CNTNAP2: variants seen among roughly 807,000 people sequenced by gnomAD.
The protein encoded by CNTNAP2 is contactin associated protein 2.
Under a neutral mutation model 155.2 loss-of-function variants are expected in CNTNAP2, and 98 were observed. The ratio of observed to expected loss-of-function variants is 0.63; its 90% confidence interval spans 0.54 to 0.75. The LOEUF (loss-of-function observed/expected upper bound fraction) is 0.75. Among genes scored for constraint, CNTNAP2 ranks in the 30% least tolerant of loss-of-function variants. The pLI is 0.00. For missense variants in CNTNAP2, 1,727 were observed against 1,688.1 expected, an observed-to-expected ratio of 1.02 and a Z score of -0.40; for synonymous variants, 651 against 631.2, an observed-to-expected ratio of 1.03 and a Z score of -0.47.
At chr7:146,493,010 G>T (rs565459864) in intron 1 of CNTNAP2, among the ~76,000 whole-genome samples, 2 of 152,056 alleles carry the variant, frequency 1.3e-5, no homozygotes, top group Non-Finnish European at 2.9e-5. Flanking sequence ...TAATCTAAGC[G>T]CAATTTAAGG....
chr7:147,687,752 G>C (rs527718339), intron 13 of CNTNAP2, among the ~76,000 whole-genome samples: 1 of 152,226 alleles, frequency 6.6e-6, no homozygotes, highest in South Asian at 2.1e-4. Flanking sequence ...CAAATTAAGA[G>C]CATGAGGAAG....
chr7:148,278,240 C>T (rs1796910379), intron 21 of CNTNAP2, among the ~76,000 whole-genome samples: 1 of 152,000 alleles, frequency 6.6e-6, no homozygotes, highest in African/African-American at 2.4e-5. Context: ...GAGGTGGATG[C>T]AGGAGAACTC....
intron 15 of CNTNAP2, among the ~76,000 whole-genome samples, chr7:148,038,737 C>G (rs1360417881): frequency 2.0e-5 from 3 of 151,982 alleles, no homozygotes; most frequent in African/African-American, 7.3e-5. Context: ...CTCCATTAAG[C>G]AGGATGGTAA....
At chr7:146,695,115 A>G (rs1000592531) in intron 1 of CNTNAP2, among the ~76,000 whole-genome samples, 13 of 152,110 alleles carry the variant, frequency 8.5e-5, no homozygotes, top group Admixed American at 2.0e-4. Context: ...CTTTCATGAC[A>G]ATGTTGAATA....
intron 1 of CNTNAP2, among the ~76,000 whole-genome samples, chr7:146,186,285 T>C (rs191296761): frequency 2.0e-5 from 3 of 152,264 alleles, no homozygotes; most frequent in Admixed American, 1.3e-4. Context: ...TTTACCTTCA[T>C]TCCCCCAAAC....
At chr7:148,055,205 G>A (rs1802984835) in intron 15 of CNTNAP2, among the ~76,000 whole-genome samples, 1 of 152,080 alleles carries the variant, frequency 6.6e-6, no homozygotes. Context: ...ATCTTTGATG[G>A]CCTTTTAAAA....
At chr7:147,675,195 G>A (rs149226500) in intron 13 of CNTNAP2, among the ~76,000 whole-genome samples, 2,492 of 151,984 alleles carry the variant, frequency 0.016, 221 homozygotes, top group Admixed American at 0.15. Flanking sequence ...CTCTGCCTCC[G>A]TCTTCACAAG....
chr7:146,622,131 A>ATATATATATACACACACG (rs1491052502), intron 1 of CNTNAP2, among the ~76,000 whole-genome samples: 13 of 23,392 alleles, frequency 5.6e-4, no homozygotes, highest in African/African-American at 1.4e-3. Flanking sequence ...ATGTATGTGT[A>ATATATATATACACACACG]TATATATATA....
At chr7:147,551,039 G>A (rs1038400787) in intron 11 of CNTNAP2, among the ~76,000 whole-genome samples, 3 of 152,096 alleles carry the variant, frequency 2.0e-5, no homozygotes, top group Admixed American at 1.3e-4. Flanking sequence ...TGTGCTATCA[G>A]GTATGGATGT....
chr7:148,090,495 A>G (rs1803817387), intron 15 of CNTNAP2, among the ~76,000 whole-genome samples: 1 of 152,104 alleles, frequency 6.6e-6, no homozygotes, highest in Admixed American at 6.6e-5. Flanking sequence ...GCCAACAAAT[A>G]TATTTAAAAG....
chr7:146,699,317 G>C (rs1041521064), intron 1 of CNTNAP2, among the ~76,000 whole-genome samples: 2 of 152,156 alleles, frequency 1.3e-5, no homozygotes, highest in Non-Finnish European at 2.9e-5. Flanking sequence ...TGTCTCCCCT[G>C]TTGTTATTGG....
chr7:147,078,893 G>A (rs977973612), intron 4 of CNTNAP2, among the ~76,000 whole-genome samples: 1 of 151,910 alleles, frequency 6.6e-6, no homozygotes, highest in African/African-American at 2.4e-5. Context: ...GGGATTACAG[G>A]TGTGCGCCAC....
chr7:148,269,059 G>T (rs957060665), intron 21 of CNTNAP2, among the ~76,000 whole-genome samples: 4 of 152,086 alleles, frequency 2.6e-5, no homozygotes, highest in Admixed American at 2.6e-4. Context: ...GGATTCCTGG[G>T]TTTAGAACCA....
rs1354554125 is a variant in CNTNAP2 at position 147,960,507 on chromosome 7, A to T, written c.2256-17355A>T. Among the ~76,000 whole-genome samples, 3 of 152,212 alleles carry T rather than the reference A, an allele frequency of 2.0e-5. No individual in the cohort carries two copies. In the East Asian group the frequency reaches 5.8e-4, roughly 29 times the overall value. ...ATTGCCTGAAATCAGCCTGCCAAAT[A>T]TGAGAATAATCCAGGCAGACAAGGA... is the stretch of plus-strand genomic sequence containing the variant. On this transcript the variant is annotated intron_variant, in intron 14 of 23. Transcript: ENST00000361727.
intron 10 of CNTNAP2, among the ~76,000 whole-genome samples, chr7:147,396,192 TA>T (rs1222724717): frequency 6.8e-6 from 1 of 148,108 alleles, no homozygotes; most frequent in Non-Finnish European, 1.5e-5. Context: ...CATATATATA[TA>T]TATATGTGAT....
chr7:146,908,088 C>T (rs999743895), intron 3 of CNTNAP2, among the ~76,000 whole-genome samples: 65 of 152,254 alleles, frequency 4.3e-4, no homozygotes, highest in African/African-American at 1.5e-3. Flanking sequence ...ATTAATTCAA[C>T]AAGAAGAGCT....
intron 14 of CNTNAP2, among the ~76,000 whole-genome samples, chr7:147,910,472 C>A (rs1012174177): frequency 6.6e-6 from 1 of 152,150 alleles, no homozygotes; most frequent in African/African-American, 2.4e-5. Flanking sequence ...GATTCAAACT[C>A]GGGGCAAGCA....
intron 13 of CNTNAP2, among the ~76,000 whole-genome samples, chr7:147,858,749 C>T (rs191477291): frequency 2.0e-5 from 3 of 152,182 alleles, no homozygotes; most frequent in Middle Eastern, 6.8e-3. Flanking sequence ...CTAAAAGCTA[C>T]GTGTACAAGC....
At chr7:146,724,560 ACT>A (rs1491312318) in intron 1 of CNTNAP2, among the ~76,000 whole-genome samples, 18 of 115,734 alleles carry the variant, frequency 1.6e-4, no homozygotes, top group Non-Finnish European at 2.7e-4. Context: ...TTAAATCTAA[ACT>A]TTTTTTTTTT....
Sources: gnomAD v4.1 joint callset for allele counts (sites outside exome capture counted in the v4.1 genomes callset) on GRCh38, gnomAD v4.1.1 for gene constraint, MANE v1.5 for transcripts, NCBI Gene and HGNC (gene_info 2026-07-23, HGNC 2026-07-21) for gene names.